Variants in USP26 observed in about 807,000 individuals in gnomAD.
USP26 encodes the protein ubiquitin carboxyl-terminal hydrolase 26.
For synonymous variants in USP26, 236 were observed against 240.6 expected (o/e 0.98, Z 0.18); for missense variants, 649 against 642.3 (o/e 1.01, Z -0.11).
At chrX:133,041,202 A>C (rs2067418010) in intron 5 of USP26, among the ~76,000 whole-genome samples, 1 of 110,971 alleles carries the variant, frequency 9.0e-6, no homozygotes, top group South Asian at 3.8e-4. Context: ...CCAATTTGTC[A>C]GTCTCATTCT....
chrX:133,057,449 T>C (rs1050200975), intron 5 of USP26, among the ~76,000 whole-genome samples: 2 of 111,432 alleles, frequency 1.8e-5, no homozygotes, highest in African/African-American at 3.3e-5. Context: ...TCATTCTCTA[T>C]TGTTTTCCTA....
chrX:133,033,912 T>A (rs1288694560), intron 5 of USP26, among the ~76,000 whole-genome samples: 2 of 112,111 alleles, frequency 1.8e-5, no homozygotes, highest in Non-Finnish European at 3.8e-5. Context: ...TAAAATTCAG[T>A]TAGTGTTACC....
chrX:133,056,638 G>C (rs1166472466), intron 5 of USP26, among the ~76,000 whole-genome samples: 1 of 111,360 alleles, frequency 9.0e-6, no homozygotes, highest in Non-Finnish European at 1.9e-5. Context: ...AAAGAACCTT[G>C]GCATAAGGCA....
At chrX:133,059,760 A>G (rs2067488751) in intron 5 of USP26, among the ~76,000 whole-genome samples, 1 of 111,678 alleles carries the variant, frequency 9.0e-6, no homozygotes, top group African/African-American at 3.3e-5. Flanking sequence ...AAACGGGTTC[A>G]GGACCTAGAT....
At chrX:133,077,733 G>A (rs1390829095) in intron 5 of USP26, among the ~76,000 whole-genome samples, 1 of 111,549 alleles carries the variant, frequency 9.0e-6, no homozygotes, top group Non-Finnish European at 1.9e-5. Flanking sequence ...GAATGTTTTG[G>A]TCCTTGCAGT....
At chrX:133,039,269 T>C (rs767798137) in intron 5 of USP26, among the ~76,000 whole-genome samples, 1 of 111,952 alleles carries the variant, frequency 8.9e-6, no homozygotes, top group Non-Finnish European at 1.9e-5. Context: ...GTGTCAATTT[T>C]AGATCTTTCC....
intron 5 of USP26, among the ~76,000 whole-genome samples, chrX:133,043,140 A>T (rs2798778): frequency 9.1e-6 from 1 of 110,034 alleles, no homozygotes; most frequent in Non-Finnish European, 1.9e-5. Context: ...AGGGGGGACC[A>T]GAAAAAGGAT....
In USP26 at chrX:133,081,507, G is replaced by A. The variant is rs773892345; in HGVS notation, c.-77+2200C>T. Among the ~76,000 whole-genome samples the A allele has an allele frequency of 9.1e-5, 10 of 110,407 alleles. No homozygotes were observed. The East Asian group carries it at 2.9e-3, about 32-fold the overall frequency. On this transcript the variant is annotated intron_variant, in intron 5 of 5. Coordinates refer to ENST00000511190, the MANE Select transcript of USP26 (RefSeq NM_031907.3). ...GATGGGGTTTCACCTTGTTGGTCAG[G>A]TTGGTGTTGAACTCTTGACCTCAGG... is the stretch of plus-strand genomic sequence containing the variant.
rs761153816 is a variant in USP26 at position 133,028,057 on chromosome X, T to G, written c.164A>C (p.Asn55Thr). Residue 55 changes from asparagine (N) to threonine (T), a missense_variant, in exon 6 of 6, where the codon AAT becomes ACT. Coordinates refer to ENST00000511190, the MANE Select transcript of USP26 (RefSeq NM_031907.3). ...GKYSTFRLSD[N>T]IQNVVLKSYR... ...GGATTTAAGGACTACATTTTGAATA[T>G]TATCACTTAGCCGAAAAGTGCTATA... 1 of 1,209,185 alleles carries G rather than the reference T, an allele frequency of 8.3e-7. No individual in the cohort carries two copies. Among genetic ancestry groups the G allele is most frequent in the African/African-American group, 1.7e-5 (1 of 57,204 alleles).
chrX:133,083,621 C>T lies in USP26; in HGVS notation c.-77+86G>A, dbSNP rs1349369168. 4 of 111,423 alleles carry T rather than the reference C, an allele frequency of 3.6e-5. No individual in the cohort carries two copies. In the East Asian group the frequency reaches 1.1e-3, roughly 32 times the overall value. 9.2% of individuals were successfully genotyped at this position (111,423 alleles called of 1,213,427 possible). ...TAACACTCATATAGGCTGTGAAAAC[C>T]TTCATCTGCATCCATTTTGTTTTGT... On this transcript the variant is annotated intron_variant, in intron 5 of 5. Coordinates refer to ENST00000511190, the MANE Select transcript of USP26 (RefSeq NM_031907.3).
chrX:133,058,593 T>C (rs112449838), intron 5 of USP26, among the ~76,000 whole-genome samples: 3,853 of 111,743 alleles, frequency 0.034, 100 homozygotes, highest in East Asian at 0.1. Context: ...AATGATATAG[T>C]TAACTCCATG....
At chrX:133,039,450 C>T (rs1988896412) in intron 5 of USP26, among the ~76,000 whole-genome samples, 1 of 112,086 alleles carries the variant, frequency 8.9e-6, no homozygotes, top group African/African-American at 3.2e-5. Flanking sequence ...GCAGGTTGTT[C>T]TGTTTCCATG....
intron 5 of USP26, among the ~76,000 whole-genome samples, chrX:133,047,379 C>T (rs745394012): frequency 6.2e-5 from 7 of 112,141 alleles, no homozygotes; most frequent in Non-Finnish European, 1.3e-4. Context: ...ACTTGGAGAG[C>T]AGCAGGGCAT....
At chrX:133,055,723 A>G (rs1296746750) in intron 5 of USP26, among the ~76,000 whole-genome samples, 1 of 111,781 alleles carries the variant, frequency 8.9e-6, no homozygotes, top group Admixed American at 9.5e-5. Flanking sequence ...GAAAAAGTCC[A>G]GCAAGGTTTT....
At chrX:133,091,091 C>A (rs768171774) in intron 2 of USP26, among the ~76,000 whole-genome samples, 12 of 112,317 alleles carry the variant, frequency 1.1e-4, no homozygotes, top group Admixed American at 1.9e-4. Context: ...GAAACTGGAA[C>A]CTTGTCATAC....
At chrX:133,057,859 TA>T (rs2067480674) in intron 5 of USP26, among the ~76,000 whole-genome samples, 7 of 23,548 alleles carry the variant, frequency 3.0e-4, no homozygotes, top group Admixed American at 1.2e-3. Context: ...TATATATATA[TA>T]TATATATTTT....
rs1301787737 is a variant in USP26 at position 133,027,346 on chromosome X, T to C, written c.875A>G (p.Lys292Arg). The C allele has an allele frequency of 8.3e-7, 1 of 1,209,268 alleles. No individual in the cohort carries two copies. The highest frequency in any genetic ancestry group is 2.2e-5 in the Admixed American group (1 of 45,716). ...CAAATTGGGGAGGCCGTGGCATATT[T>C]TCTCTGGAAATAATTCAAAAAATAG... ...LKLFFELFPE[K>R]ICHGLPNLGN... The change falls in exon 6 of 6, where the codon AAA becomes AGA. Residue 292 changes from lysine to arginine, a missense_variant. Lys to Arg is a conservative substitution (Grantham distance 26, BLOSUM62 2). Transcript: ENST00000511190.
At chrX:133,059,330 T>C (rs766157829) in intron 5 of USP26, among the ~76,000 whole-genome samples, 19 of 111,697 alleles carry the variant, frequency 1.7e-4, no homozygotes, top group Non-Finnish European at 3.6e-4. Flanking sequence ...TGCTCTATTG[T>C]TCCAATGCCT....
chrX:133,065,250 A>G (rs1342598213), intron 5 of USP26, among the ~76,000 whole-genome samples: 1 of 111,369 alleles, frequency 9.0e-6, no homozygotes, highest in African/African-American at 3.3e-5. Flanking sequence ...CCTACCAACC[A>G]AAAAAAGCCC....
Sources: gnomAD v4.1 joint callset for allele counts (sites outside exome capture counted in the v4.1 genomes callset) on GRCh38, gnomAD v4.1.1 for gene constraint, MANE v1.5 for transcripts, NCBI Gene and HGNC (gene_info 2026-07-23, HGNC 2026-07-21) for gene names.